The following NCKAP1 variants were observed in gnomAD, a reference collection of about 807,000 sequenced individuals.
The protein encoded by NCKAP1 is NCK associated protein 1.
Under a neutral mutation model 151.2 loss-of-function variants are expected in NCKAP1, and 21 were observed. The observed-to-expected ratio is 0.14, with a 90% confidence interval of 0.10 to 0.20. NCKAP1 has a LOEUF of 0.20. Among genes scored for constraint, NCKAP1 ranks in the 10% least tolerant of loss-of-function variants. The probability of loss-of-function intolerance (pLI) is 1.00; values close to 1 mark genes in which losing one functional copy is unlikely to be tolerated. For synonymous variants in NCKAP1, 484 were observed against 451.8 expected (o/e 1.07, Z -0.90); for missense variants, 933 against 1,352.1 (o/e 0.69, Z 4.86).
chr2:183,032,893 T>C (rs1699033373), intron 1 of NCKAP1, among the ~76,000 whole-genome samples: 1 of 151,620 alleles, frequency 6.6e-6, no homozygotes, highest in South Asian at 2.1e-4. Flanking sequence ...TCAAAAAAAA[T>C]ACAAAAATTA....
At chr2:183,037,871 G>A (rs972264432) in intron 1 of NCKAP1, 121 bp downstream of exon 1, 7 of 707,004 alleles carry the variant, frequency 9.9e-6, no homozygotes, top group Non-Finnish European at 1.5e-5. Context: ...CGGGCCTCGG[G>A]CGGCGACGCC....
intron 23 of NCKAP1, among the ~76,000 whole-genome samples, chr2:182,950,662 G>A (rs958448351): frequency 6.6e-6 from 1 of 152,076 alleles, no homozygotes; most frequent in African/African-American, 2.4e-5. Context: ...ATAACAATGA[G>A]AGGATAATGA....
intron 15 of NCKAP1, among the ~76,000 whole-genome samples, chr2:182,975,928 TA>T (rs1403308458): frequency 3.3e-5 from 5 of 152,046 alleles, no homozygotes; most frequent in South Asian, 2.1e-4. Context: ...AATAAGTAAA[TA>T]TTTTTTTAAA....
chr2:183,011,188 G>A (rs893787115), intron 2 of NCKAP1, among the ~76,000 whole-genome samples: 4 of 152,068 alleles, frequency 2.6e-5, no homozygotes, highest in Admixed American at 6.5e-5. Context: ...TTGCCTAACC[G>A]GACTCAACAA....
chr2:182,953,228 T>C lies in NCKAP1; in HGVS notation c.2257A>G (p.Ile753Val), dbSNP rs1052408507. 3.1e-6 allele frequency: 5 copies of C among 1,612,896 alleles called. No individual in the cohort carries two copies. The highest frequency in any genetic ancestry group is 1.1e-5 in the South Asian group (1 of 91,054). The part of the protein sequence containing the change: ...VRAYMTVLQS[I>V]ENYVQIDITR... Reference sequence around the variant, plus strand: ...ATATCAATCTGCACATAGTTTTCTATTGACTGGAGTACGGTCATGTATGCT... The same window carrying C: ...ATATCAATCTGCACATAGTTTTCTACTGACTGGAGTACGGTCATGTATGCT... Residue 753 changes from isoleucine (I) to valine (V), a missense_variant, in exon 21 of 31, where the codon ATA becomes GTA. Transcript: ENST00000361354.
rs1039445750 is a variant in NCKAP1, at chr2:182,917,594, G to A, written c.*8108C>T. ...AATAAGTTCATCTTTCATAAAGGCA[G>A]AATTAATCCATCAATCACATTTAGA... On this transcript the variant is annotated 3_prime_UTR_variant, in exon 31 of 31. Coordinates refer to ENST00000361354, the MANE Select transcript of NCKAP1 (RefSeq NM_013436.5). 2 of 152,140 alleles carry A rather than the reference G, an allele frequency of 1.3e-5. No individual in the cohort carries two copies. Among genetic ancestry groups the A allele is most frequent in the Admixed American group, 1.3e-4 (2 of 15,260 alleles). The allele number at this position is 152,140 out of a possible 1,614,324, so 9.4% of individuals were successfully genotyped here.
At chr2:182,940,545 T>C (rs1575018776) in intron 24 of NCKAP1, among the ~76,000 whole-genome samples, 2 of 152,192 alleles carry the variant, frequency 1.3e-5, no homozygotes, top group African/African-American at 4.8e-5. Flanking sequence ...GTTCAAGCAA[T>C]TCTCCTACCT....
intron 1 of NCKAP1, among the ~76,000 whole-genome samples, chr2:183,035,924 T>G (rs2105903778): frequency 6.6e-6 from 1 of 152,268 alleles, no homozygotes; most frequent in African/African-American, 2.4e-5. Flanking sequence ...AAAATTACAC[T>G]GTCCCTGCCC....
chr2:182,958,312 T>C (rs1298250914), intron 18 of NCKAP1, among the ~76,000 whole-genome samples: 3 of 152,030 alleles, frequency 2.0e-5, no homozygotes, highest in African/African-American at 7.3e-5. Flanking sequence ...CTAATTTTAT[T>C]TGTATATTTT....
At chr2:182,988,029 T>C (rs1395599540) in intron 9 of NCKAP1, among the ~76,000 whole-genome samples, 1 of 152,142 alleles carries the variant, frequency 6.6e-6, no homozygotes, top group African/African-American at 2.4e-5. Flanking sequence ...GTTATACAGC[T>C]AAGATGTATG....
chr2:182,968,260 A>C (rs1170454213), intron 15 of NCKAP1, among the ~76,000 whole-genome samples: 1 of 152,212 alleles, frequency 6.6e-6, no homozygotes, highest in Non-Finnish European at 1.5e-5. Context: ...AATCTATTAG[A>C]AGGCAGTAGT....
chr2:183,035,877 G>GAACTGACTGAAGGCCTAACTGA (rs1699091935), intron 1 of NCKAP1, among the ~76,000 whole-genome samples: 2 of 151,672 alleles, frequency 1.3e-5, no homozygotes, highest in Non-Finnish European at 2.9e-5. Flanking sequence ...TGAAGGCCTC[G>GAACTGACTGAAGGCCTAACTGA]AGTATCAGAT....
intron 6 of NCKAP1, among the ~76,000 whole-genome samples, chr2:183,000,615 T>A (rs1265127601): frequency 3.9e-5 from 6 of 152,208 alleles, no homozygotes; most frequent in South Asian, 4.1e-4. Context: ...CTGATTTTTT[T>A]AAATTTCAAA....
intron 23 of NCKAP1, among the ~76,000 whole-genome samples, chr2:182,943,118 T>C (rs1429482724): frequency 6.6e-6 from 1 of 152,170 alleles, no homozygotes; most frequent in East Asian, 1.9e-4. Flanking sequence ...TCTATAATGG[T>C]TCTCAGCCCT....
intron 20 of NCKAP1, among the ~76,000 whole-genome samples, chr2:182,956,230 CG>C (rs1346854942): frequency 6.6e-6 from 1 of 152,058 alleles, no homozygotes. Context: ...TTAGTAGAGA[CG>C]GGGTTTCACT....
chr2:183,010,760 G>C (rs1021033365), intron 2 of NCKAP1, among the ~76,000 whole-genome samples: 1 of 152,140 alleles, frequency 6.6e-6, no homozygotes, highest in Admixed American at 6.5e-5. Flanking sequence ...GGTTGGTCAA[G>C]TGTAACATTT....
intron 6 of NCKAP1, among the ~76,000 whole-genome samples, chr2:182,997,391 T>G (rs765186752): frequency 4.6e-5 from 7 of 152,230 alleles, no homozygotes; most frequent in Non-Finnish European, 4.4e-5. Flanking sequence ...CCATAAACTT[T>G]CCTCTTAACA....
rs1245141878 is a variant in NCKAP1 at position 182,920,144 on chromosome 2, G to C, written c.*5558C>G. On this transcript the variant is annotated 3_prime_UTR_variant, in exon 31 of 31. Coordinates refer to ENST00000361354, the MANE Select transcript of NCKAP1 (RefSeq NM_013436.5). Reference sequence around the variant, plus strand: ...AATCACACCCGGCTTTTTCATTTTTGTATTTTTTTTGTAGAGATGGGGTTT... The same window carrying C: ...AATCACACCCGGCTTTTTCATTTTTCTATTTTTTTTGTAGAGATGGGGTTT... The C allele has an allele frequency of 6.6e-6, 1 of 151,942 alleles. No homozygotes were observed. The highest frequency in any genetic ancestry group is 1.9e-4 in the East Asian group (1 of 5,160). The allele number at this position is 151,942 out of a possible 1,614,324, so 9.4% of individuals were successfully genotyped here.
chr2:182,942,415 G>A (rs554713321), intron 23 of NCKAP1, among the ~76,000 whole-genome samples: 1 of 152,186 alleles, frequency 6.6e-6, no homozygotes, highest in East Asian at 1.9e-4. Context: ...TAAGTAGTAG[G>A]ATAAAGAATC....
Sources: allele counts gnomAD v4.1 joint callset (sites outside exome capture counted in the v4.1 genomes callset), GRCh38; gene constraint gnomAD v4.1.1; transcripts MANE v1.5; gene names NCBI Gene and HGNC (gene_info 2026-07-23, HGNC 2026-07-21).